ACAD11: variants seen among roughly 807,000 people sequenced by gnomAD.
ACAD11 encodes the protein acyl-CoA dehydrogenase family member 11.
ACAD11 carries 83 observed loss-of-function variants against 102.2 expected under a neutral mutation model. The ratio of observed to expected loss-of-function variants is 0.81; its 90% CI spans 0.68 to 0.97. The LOEUF is 0.97. Among genes scored for constraint, ACAD11 ranks in the 50% least tolerant of loss-of-function variants. The pLI, the probability that ACAD11 is intolerant of heterozygous loss-of-function variation, is 0.00. For missense variants in ACAD11, 901 were observed against 951.7 expected, an observed-to-expected ratio of 0.95 and a Z score of 0.70; for synonymous variants, 324 against 319.8, an observed-to-expected ratio of 1.01 and a Z score of -0.14.
At chr3:132,644,416 T>C (rs1278540235) in intron 2 of ACAD11, among the ~76,000 whole-genome samples, 1 of 152,162 alleles carries the variant, frequency 6.6e-6, no homozygotes, top group Non-Finnish European at 1.5e-5. Flanking sequence ...TCATAGCAAA[T>C]ATATTAAAAT....
In ACAD11 at chr3:132,641,144, G is replaced by T. The variant is rs536975768; in HGVS notation, c.537+828C>A. Among the ~76,000 whole-genome samples, 7 of 152,258 alleles carry T rather than the reference G, an allele frequency of 4.6e-5. No homozygotes were observed. In the South Asian group the frequency reaches 1.5e-3, roughly 32 times the overall value. The stretch of plus-strand genomic sequence containing the variant: ...CTCTCAAAAATGACCATAAGTTCCT[G>T]TGGGGAAGAACCTATTGTATATTTT... On this transcript the variant is annotated intron_variant, in intron 4 of 19. Transcript: ENST00000264990.
chr3:132,612,587 A>G lies in ACAD11; in HGVS notation c.1414+6047T>C, dbSNP rs1467705585. On this transcript the variant is annotated intron_variant, in intron 11 of 19. Coordinates refer to ENST00000264990, the MANE Select transcript of ACAD11 (RefSeq NM_032169.5). ...GAACGATATGAACAGACACTTCTCA[A>G]AAGAAGACATTTATGCAGCCAAAAA... Among the ~76,000 whole-genome samples, 4 of 152,112 alleles carry G rather than the reference A, an allele frequency of 2.6e-5. No individual in the cohort carries two copies. In the East Asian group the frequency reaches 7.7e-4, roughly 29 times the overall value.
chr3:132,559,593 A>G (rs991236592), intron 19 of ACAD11, among the ~76,000 whole-genome samples: 1 of 152,064 alleles, frequency 6.6e-6, no homozygotes, highest in Non-Finnish European at 1.5e-5. Context: ...TGCTGTATCT[A>G]CAGCCCAGGA....
At chr3:132,580,784 GA>G (rs1937586239) in intron 13 of ACAD11, among the ~76,000 whole-genome samples, 1 of 151,940 alleles carries the variant, frequency 6.6e-6, no homozygotes, top group Non-Finnish European at 1.5e-5. Flanking sequence ...AATAACAGAT[GA>G]AACCTCAACC....
chr3:132,600,384 T>C (rs769901948), intron 13 of ACAD11: 1 of 1,566,954 alleles, frequency 6.4e-7, no homozygotes, highest in Middle Eastern at 1.7e-4. Context: ...CTCTTTGCCA[T>C]CTAGATTGGA....
intron 9 of ACAD11, among the ~76,000 whole-genome samples, chr3:132,623,683 A>C (rs1939692267): frequency 6.6e-6 from 1 of 152,192 alleles, no homozygotes; most frequent in Non-Finnish European, 1.5e-5. Flanking sequence ...ATCTTAAAGC[A>C]CTTCTTTTTA....
chr3:132,601,015 C>A (rs1235370889), intron 13 of ACAD11: 1 of 1,613,764 alleles, frequency 6.2e-7, no homozygotes, highest in Admixed American at 1.7e-5. Context: ...TAGAGATCTG[C>A]ATTGGATTTG....
At chr3:132,609,071 TAAATA>T (rs1271054018) in intron 11 of ACAD11, among the ~76,000 whole-genome samples, 1 of 152,128 alleles carries the variant, frequency 6.6e-6, no homozygotes, top group African/African-American at 2.4e-5. Context: ...AAGGCAGAAA[TAAATA>T]AGTTATTTGA....
At chr3:132,632,491 T>C (rs1475250737) in intron 5 of ACAD11, among the ~76,000 whole-genome samples, 1 of 152,216 alleles carries the variant, frequency 6.6e-6, no homozygotes, top group African/African-American at 2.4e-5. Flanking sequence ...AAAAAGATTA[T>C]AGTTTGAAGT....
chr3:132,630,658 A>T, intron 6 of ACAD11, 100 bp from the exon 7 acceptor site: 1 of 1,011,828 alleles, frequency 9.9e-7, no homozygotes, highest in Non-Finnish European at 1.4e-6. Context: ...GGAATGTAAT[A>T]ACCATTAGCC....
chr3:132,637,762 C>T (rs1940327353), intron 5 of ACAD11, among the ~76,000 whole-genome samples: 1 of 152,070 alleles, frequency 6.6e-6, no homozygotes, highest in Non-Finnish European at 1.5e-5. Context: ...AAATAAGTAA[C>T]AGAAAATAAT....
At chr3:132,643,941 A>G (rs1189437547) in intron 2 of ACAD11, among the ~76,000 whole-genome samples, 2 of 151,988 alleles carry the variant, frequency 1.3e-5, no homozygotes, top group Non-Finnish European at 2.9e-5. Flanking sequence ...GAGACAAATA[A>G]AACTGTTTAT....
intron 13 of ACAD11, among the ~76,000 whole-genome samples, chr3:132,596,561 G>C (rs915082943): frequency 1.3e-5 from 2 of 152,124 alleles, no homozygotes; most frequent in African/African-American, 4.8e-5. Context: ...AGTTCAAATA[G>C]ACCATGAGGG....
intron 17 of ACAD11, among the ~76,000 whole-genome samples, chr3:132,571,086 A>G (rs937757425): frequency 6.6e-6 from 1 of 152,148 alleles, no homozygotes; most frequent in Non-Finnish European, 1.5e-5. Context: ...GAATCCTCAC[A>G]CTGTTTTCCA....
At chr3:132,579,096 T>C (rs1425416673) in intron 14 of ACAD11, 1 of 1,461,864 alleles carries the variant, frequency 6.8e-7, no homozygotes, top group African/African-American at 1.4e-5. Context: ...ATGAGTTGTT[T>C]GATTGAAGCT....
intron 17 of ACAD11, among the ~76,000 whole-genome samples, chr3:132,570,641 C>G (rs1373724880): frequency 6.6e-6 from 1 of 151,970 alleles, no homozygotes; most frequent in Non-Finnish European, 1.5e-5. Context: ...AGTTATTTTT[C>G]CCGACCCTCT....
At chr3:132,593,165 T>G (rs1938152456) in intron 13 of ACAD11, among the ~76,000 whole-genome samples, 1 of 151,904 alleles carries the variant, frequency 6.6e-6, no homozygotes, top group Admixed American at 6.6e-5. Context: ...GATCAATTGG[T>G]TTGTCTATAT....
At chr3:132,644,926 ATT>A in intron 1 of ACAD11, 30 bp from the exon 2 acceptor site, 3 of 1,345,860 alleles carry the variant, frequency 2.2e-6, no homozygotes, top group Non-Finnish European at 3.1e-6. Flanking sequence ...AAAAAGGTCA[ATT>A]ACAAAGATAT....
At chr3:132,649,523 T>C (rs1940852592) in intron 1 of ACAD11, among the ~76,000 whole-genome samples, 1 of 152,186 alleles carries the variant, frequency 6.6e-6, no homozygotes, top group Admixed American at 6.5e-5. Context: ...ACAGATTCCT[T>C]TGCTCACATG....
Sources: gnomAD v4.1 joint callset for allele counts (sites outside exome capture counted in the v4.1 genomes callset) on GRCh38, gnomAD v4.1.1 for gene constraint, MANE v1.5 for transcripts, NCBI Gene and HGNC (gene_info 2026-07-23, HGNC 2026-07-21) for gene names.